LRMDA: variants seen among roughly 807,000 people sequenced by gnomAD.
LRMDA encodes the protein leucine rich melanocyte differentiation associated.
LRMDA carries 18 observed loss-of-function variants against 29.8 expected under a neutral mutation model. That is an observed-to-expected ratio of 0.60 (90% CI 0.42 to 0.90). The LOEUF (loss-of-function observed/expected upper bound fraction) is 0.90. LRMDA is among the 40% of genes least tolerant of loss of function. LRMDA has a pLI of 0.00. For missense variants in LRMDA, 273 were observed against 273.9 expected, an observed-to-expected ratio of 1.00 and a Z score of 0.02; for synonymous variants, 125 against 109.4, an observed-to-expected ratio of 1.14 and a Z score of -0.89.
chr10:75,444,228 A>C (rs1370145051), intron 2 of LRMDA, among the ~76,000 whole-genome samples: 1 of 152,170 alleles, frequency 6.6e-6, no homozygotes, highest in East Asian at 1.9e-4. Context: ...GGATTGTCCA[A>C]CAGTAAACTG....
chr10:75,798,717 A>G lies in LRMDA; in HGVS notation c.132-237291A>G, dbSNP rs868591334. ...ACATTTTCTTGTGATTTCTTTTTAC[A>G]TCCCTGATGTTTTAGAAGTGTATAG... On this transcript the variant is annotated intron_variant, in intron 2 of 6. Coordinates refer to ENST00000611255, the MANE Select transcript of LRMDA (RefSeq NM_001305581.2). 1.8e-4 allele frequency among the ~76,000 whole-genome samples: 27 copies of G among 152,172 alleles called. 1 individual carries two copies. The highest frequency in any genetic ancestry group is 6.8e-3 in the Middle Eastern group (2 of 294).
chr10:75,868,825 G>A (rs546265240), intron 2 of LRMDA, among the ~76,000 whole-genome samples: 4 of 152,198 alleles, frequency 2.6e-5, no homozygotes, highest in South Asian at 2.1e-4. Context: ...CTGAAGTGCC[G>A]TCTCACCCAG....
intron 5 of LRMDA, among the ~76,000 whole-genome samples, chr10:76,279,539 C>CTTTTTTTTTTTTTTTTT (rs759651873): frequency 2.1e-5 from 2 of 93,810 alleles, no homozygotes; most frequent in African/African-American, 4.0e-5. Context: ...ACAAATGCTT[C>CTTTTTTTTTTTTTTTTT]TTTTTTTTTT....
chr10:76,459,889 T>C (rs1842494697), intron 6 of LRMDA, among the ~76,000 whole-genome samples: 2 of 152,112 alleles, frequency 1.3e-5, no homozygotes, highest in Non-Finnish European at 2.9e-5. Context: ...TTGTCTACAC[T>C]CAGAACAATG....
intron 5 of LRMDA, among the ~76,000 whole-genome samples, chr10:76,135,968 A>G (rs1850087357): frequency 1.3e-5 from 2 of 152,094 alleles, no homozygotes; most frequent in African/African-American, 4.8e-5. Context: ...TTAATTCGAG[A>G]GATTCTACCT....
intron 6 of LRMDA, among the ~76,000 whole-genome samples, chr10:76,452,174 G>A (rs544401640): frequency 1.3e-5 from 2 of 152,244 alleles, no homozygotes; most frequent in South Asian, 2.1e-4. Context: ...GTATGCCTAT[G>A]TCCTATGCTC....
chr10:76,287,344 T>G (rs1271973684), intron 5 of LRMDA, among the ~76,000 whole-genome samples: 1 of 152,096 alleles, frequency 6.6e-6, no homozygotes, highest in Non-Finnish European at 1.5e-5. Context: ...TAGGAATTCC[T>G]GCCCAGCCAC....
Position 76,131,618 on chromosome 10 carries a change from A to G in LRMDA, c.516+72835A>G, listed in dbSNP as rs892009427. On this transcript the variant is annotated intron_variant, in intron 5 of 6. Coordinates refer to ENST00000611255, the MANE Select transcript of LRMDA (RefSeq NM_001305581.2). ...TGGGGCCCATTTTCCCATATTCTCT[A>G]TAACCCTGGGTATTATTTTCTTGCC... 4.0e-5 allele frequency among the ~76,000 whole-genome samples: 6 copies of G among 151,606 alleles called. No individual in the cohort carries two copies. In the East Asian group the frequency reaches 7.7e-4, roughly 20 times the overall value.
In LRMDA at chr10:76,528,045, G is replaced by C. The variant is rs563328088; in HGVS notation, c.602-29164G>C. ...TATAATATTTCCACTTATTAAACTA[G>C]CAAAGATGTTTAAATAGGCATGCCT... On this transcript the variant is annotated intron_variant, in intron 6 of 6. Transcript: ENST00000611255. Among the ~76,000 whole-genome samples, 12 of 152,168 alleles carry C rather than the reference G, an allele frequency of 7.9e-5. No individual in the cohort carries two copies. In the South Asian group the frequency reaches 2.5e-3, roughly 32 times the overall value.
chr10:76,346,363 T>G (rs1444935875), intron 6 of LRMDA: 1 of 152,220 alleles, frequency 6.6e-6, no homozygotes, highest in African/African-American at 2.4e-5. Context: ...TTGGAGACTT[T>G]GCAAATTTGT....
chr10:75,976,038 T>G (rs1240774307), intron 2 of LRMDA, among the ~76,000 whole-genome samples: 1 of 152,242 alleles, frequency 6.6e-6, no homozygotes. Flanking sequence ...GTTCAAATTG[T>G]CAATCAGCTC....
chr10:75,693,026 C>T (rs1254883351), intron 2 of LRMDA, among the ~76,000 whole-genome samples: 5 of 152,284 alleles, frequency 3.3e-5, no homozygotes, highest in Admixed American at 2.0e-4. Context: ...CATAGAGCTA[C>T]ATCCTCCTCT....
At position 75,772,872 on chromosome 10, in the gene LRMDA, G is replaced by GT. The variant is rs35279816; in HGVS notation, c.132-263136_132-263135insT. Reference sequence around the variant, plus strand: ...TTATTTTTTGGGGGGGGTGGGATGGGGGGGGGCAGATTAATCAGGGATGTA... The same window carrying GT: ...TTATTTTTTGGGGGGGGTGGGATGGGTGGGGGGCAGATTAATCAGGGATGTA... On this transcript the variant is annotated intron_variant, in intron 2 of 6. Transcript: ENST00000611255. Among the ~76,000 whole-genome samples, 679 of 127,934 alleles carry GT rather than the reference G, an allele frequency of 5.3e-3. 6 individuals are homozygous for GT. The highest frequency in any genetic ancestry group is 0.016 in the Middle Eastern group (4 of 252). The allele number at this position is 127,934 out of a possible 152,430, so 83.9% of individuals were successfully genotyped here.
chr10:75,767,432 T>G (rs1843183934), intron 2 of LRMDA, among the ~76,000 whole-genome samples: 2 of 152,178 alleles, frequency 1.3e-5, no homozygotes, highest in Admixed American at 6.5e-5. Context: ...GTTGGCTGCA[T>G]AAGTTTTCTA....
intron 2 of LRMDA, among the ~76,000 whole-genome samples, chr10:75,992,780 T>C (rs1281532281): frequency 6.6e-6 from 1 of 152,088 alleles, no homozygotes; most frequent in East Asian, 1.9e-4. Flanking sequence ...GTTTACTGTG[T>C]GGTGAAGGCA....
intron 2 of LRMDA, among the ~76,000 whole-genome samples, chr10:75,587,916 T>C (rs3001920): frequency 0.61 from 93,171 of 152,172 alleles, 31,534 homozygotes; most frequent in East Asian, 0.85. Context: ...GAGCTGGAAA[T>C]CTTAAAGAGG....
intron 5 of LRMDA, among the ~76,000 whole-genome samples, chr10:76,158,982 A>C (rs1850593770): frequency 6.6e-6 from 1 of 152,178 alleles, no homozygotes; most frequent in Admixed American, 6.6e-5. Context: ...GACAGAGGTT[A>C]AATGGATCAA....
intron 6 of LRMDA, among the ~76,000 whole-genome samples, chr10:76,541,496 C>T (rs986797791): frequency 2.6e-5 from 4 of 152,094 alleles, no homozygotes; most frequent in Admixed American, 2.0e-4. Context: ...GAGATTCCAT[C>T]TTAAAAAAGA....
At position 76,091,276 on chromosome 10, in the gene LRMDA, C is replaced by CGTGTGT. The variant is rs56145957; in HGVS notation, c.516+32530_516+32535dup. Among the ~76,000 whole-genome samples, 858 of 146,878 alleles carry CGTGTGT rather than the reference C, an allele frequency of 5.8e-3. 3 individuals are homozygous for CGTGTGT. Among genetic ancestry groups the CGTGTGT allele is most frequent in the South Asian group, 0.012 (55 of 4,432 alleles). On this transcript the variant is annotated intron_variant, in intron 5 of 6. Coordinates refer to ENST00000611255, the MANE Select transcript of LRMDA (RefSeq NM_001305581.2). The stretch of plus-strand genomic sequence containing the variant: ...GTTCTCCTGAAATAAACATGGTGGA[C>CGTGTGT]GTGTGTGTGTGTGTGTGTGTGTGTG...
Sources: allele counts gnomAD v4.1 joint callset (sites outside exome capture counted in the v4.1 genomes callset), GRCh38; gene constraint gnomAD v4.1.1; transcripts MANE v1.5; gene names NCBI Gene and HGNC (gene_info 2026-07-23, HGNC 2026-07-21).